Variants in NELL2 observed in about 807,000 individuals in gnomAD.
NELL2 encodes protein kinase C-binding protein NELL2.
Under a neutral mutation model 109.6 loss-of-function variants are expected in NELL2, and 41 were observed. The ratio of observed to expected loss-of-function variants is 0.37; its 90% CI spans 0.29 to 0.49. The LOEUF (loss-of-function observed/expected upper bound fraction) is 0.49, where lower values mean the gene tolerates loss of function less well. Among genes scored for constraint, NELL2 ranks in the 20% least tolerant of loss-of-function variants. The probability of loss-of-function intolerance (pLI) is 0.98; values close to 1 mark genes in which losing one functional copy is unlikely to be tolerated. For synonymous variants in NELL2, 355 were observed against 344.7 expected (o/e 1.03, Z -0.33); for missense variants, 900 against 1,008.3 (o/e 0.89, Z 1.45).
chr12:44,697,652 G>A (rs1041443899), intron 12 of NELL2, among the ~76,000 whole-genome samples: 16 of 152,218 alleles, frequency 1.1e-4, no homozygotes, highest in African/African-American at 3.9e-4. Flanking sequence ...AAGATAAAAA[G>A]AGAACATGAG....
chr12:44,544,931 G>T (rs1420924984), intron 15 of NELL2, among the ~76,000 whole-genome samples: 1 of 151,952 alleles, frequency 6.6e-6, no homozygotes, highest in Admixed American at 6.6e-5. Flanking sequence ...AAGAGGTAAG[G>T]GCAGTCCTTG....
chr12:44,736,997 T>G (rs930701202), intron 9 of NELL2, among the ~76,000 whole-genome samples: 1 of 152,100 alleles, frequency 6.6e-6, no homozygotes, highest in African/African-American at 2.4e-5. Flanking sequence ...TCTGATTTAC[T>G]GTCCTGATTT....
At chr12:44,519,722 G>A (rs532290184) in intron 19 of NELL2, among the ~76,000 whole-genome samples, 2 of 152,154 alleles carry the variant, frequency 1.3e-5, no homozygotes, top group South Asian at 2.1e-4. Context: ...AGATGTGTAC[G>A]GTTAGATATC....
chr12:44,875,085 T>G, intron 2 of NELL2, 140 bp downstream of exon 2: 1 of 1,122,542 alleles, frequency 8.9e-7, no homozygotes. Flanking sequence ...GGGATATGTG[T>G]CTCACACTGG....
chr12:44,783,560 A>C (rs1050259084), intron 3 of NELL2, among the ~76,000 whole-genome samples: 2 of 152,042 alleles, frequency 1.3e-5, no homozygotes, highest in Non-Finnish European at 1.5e-5. Context: ...ATATGGGAAT[A>C]CTAAACTCTA....
At chr12:44,689,645 T>C (rs1948839268) in intron 12 of NELL2, among the ~76,000 whole-genome samples, 1 of 152,222 alleles carries the variant, frequency 6.6e-6, no homozygotes, top group African/African-American at 2.4e-5. Flanking sequence ...ACAACCATGC[T>C]CCTTTTCTTT....
At chr12:44,912,749 G>T (rs364548) in intron 1 of NELL2, among the ~76,000 whole-genome samples, 3,697 of 152,218 alleles carry the variant, frequency 0.024, 164 homozygotes, top group African/African-American at 0.084. Flanking sequence ...AAAAATAATA[G>T]TAGTTTCCTA....
chr12:44,901,628 T>A (rs1398245817), intron 1 of NELL2, among the ~76,000 whole-genome samples: 1 of 152,210 alleles, frequency 6.6e-6, no homozygotes, highest in East Asian at 1.9e-4. Flanking sequence ...ACATCCCTCA[T>A]GAACACTGAT....
intron 15 of NELL2, among the ~76,000 whole-genome samples, chr12:44,567,765 T>C (rs998830869): frequency 6.6e-6 from 1 of 152,154 alleles, no homozygotes; most frequent in African/African-American, 2.4e-5. Context: ...TATAGAAATG[T>C]ATTTCCTGGC....
chr12:44,879,253 C>G (rs1402404408), upstream of NELL2, among the ~76,000 whole-genome samples: 1 of 152,144 alleles, frequency 6.6e-6, no homozygotes. Flanking sequence ...TTGACTCTTG[C>G]CCAAAAAAGT....
chr12:44,698,768 T>C (rs1949135686), intron 12 of NELL2, among the ~76,000 whole-genome samples: 1 of 152,224 alleles, frequency 6.6e-6, no homozygotes, highest in South Asian at 2.1e-4. Flanking sequence ...TTTATAATTA[T>C]GTGTGACATG....
intron 9 of NELL2, among the ~76,000 whole-genome samples, chr12:44,715,645 G>T (rs1016179539): frequency 5.9e-5 from 9 of 151,892 alleles, no homozygotes; most frequent in African/African-American, 1.5e-4. Context: ...ATCTTTGAAA[G>T]GCCACCCAAT....
chr12:44,597,472 GT>G (rs1381811033), intron 15 of NELL2, among the ~76,000 whole-genome samples: 1 of 152,086 alleles, frequency 6.6e-6, no homozygotes, highest in Non-Finnish European at 1.5e-5. Context: ...CATAGACCCT[GT>G]TTCTTTTAAT....
chr12:44,612,659 C>A (rs1945663763), intron 13 of NELL2, among the ~76,000 whole-genome samples: 1 of 151,868 alleles, frequency 6.6e-6, no homozygotes, highest in Admixed American at 6.6e-5. Context: ...CTGCCTGAAG[C>A]AAAATAAATC....
chr12:44,605,124 T>C (rs758575795), intron 15 of NELL2, among the ~76,000 whole-genome samples: 12 of 151,964 alleles, frequency 7.9e-5, no homozygotes, highest in Non-Finnish European at 1.8e-4. Flanking sequence ...CAGATTGAGG[T>C]CTTTGGATTT....
At chr12:44,874,911 G>C (rs1183116798) in intron 2 of NELL2, 2 of 225,066 alleles carry the variant, frequency 8.9e-6, no homozygotes, top group South Asian at 1.4e-4. Context: ...TCACCCAAAC[G>C]AGGCGTTTGT....
At chr12:44,789,210 C>T (rs1472311421) in intron 3 of NELL2, among the ~76,000 whole-genome samples, 4 of 152,126 alleles carry the variant, frequency 2.6e-5, no homozygotes, top group African/African-American at 9.7e-5. Flanking sequence ...CATTAAACCA[C>T]CAAAGCTAAG....
chr12:44,841,920 T>C (rs553376987), intron 2 of NELL2, among the ~76,000 whole-genome samples: 1 of 152,020 alleles, frequency 6.6e-6, no homozygotes, highest in South Asian at 2.1e-4. Flanking sequence ...AGAATAAGGA[T>C]AATCTTCCAG....
chr12:44,768,227 T>C (rs1421589923), intron 9 of NELL2, among the ~76,000 whole-genome samples: 2 of 152,216 alleles, frequency 1.3e-5, no homozygotes, highest in African/African-American at 4.8e-5. Flanking sequence ...TATTAATATA[T>C]TGCCAATTCG....
Sources: gnomAD v4.1 joint callset for allele counts (sites outside exome capture counted in the v4.1 genomes callset) on GRCh38, gnomAD v4.1.1 for gene constraint, MANE v1.5 for transcripts, NCBI Gene and HGNC (gene_info 2026-07-23, HGNC 2026-07-21) for gene names.